The following ZFAT variants were observed in gnomAD, a reference collection of about 807,000 sequenced individuals.
ZFAT encodes the protein zinc finger protein ZFAT.
ZFAT carries 64 observed loss-of-function variants against 117.7 expected under a neutral mutation model. The observed-to-expected ratio is 0.54, with a 90% CI of 0.44 to 0.67. The LOEUF (loss-of-function observed/expected upper bound fraction) is 0.67, where lower values mean the gene tolerates loss of function less well. ZFAT is among the 30% of genes least tolerant of loss of function. The pLI is 0.00. For missense variants in ZFAT, 1,433 were observed against 1,584.5 expected (o/e 0.90, Z 1.62); for synonymous variants, 679 against 615.0 (o/e 1.10, Z -1.54).
chr8:134,710,170 C>T (rs1049133348), intron 1 of ZFAT, among the ~76,000 whole-genome samples: 17 of 152,122 alleles, frequency 1.1e-4, no homozygotes, highest in Admixed American at 1.0e-3. Context: ...TAAGCAACAA[C>T]GTGGGAGGAG....
chr8:134,509,879 TCA>T, intron 14 of ZFAT, 130 bp from the exon 15 acceptor site: 3 of 1,189,896 alleles, frequency 2.5e-6, no homozygotes, highest in Non-Finnish European at 3.5e-6. Flanking sequence ...CCGTAATCGC[TCA>T]GTTTGACAAC....
chr8:134,630,034 A>G (rs552281044), intron 3 of ZFAT, among the ~76,000 whole-genome samples: 1 of 152,306 alleles, frequency 6.6e-6, no homozygotes, highest in East Asian at 1.9e-4. Flanking sequence ...AAGCAAACAC[A>G]GGAATATAGA....
the ZFAT span, chr8:134,805,083 C>A: frequency 3.5e-6 from 1 of 283,534 alleles, no homozygotes; most frequent in East Asian, 1.1e-4. Context: ...AAAGTTAATG[C>A]TAATAATTAA....
intron 10 of ZFAT, among the ~76,000 whole-genome samples, chr8:134,569,530 T>G (rs1167783516): frequency 2.0e-5 from 3 of 152,132 alleles, no homozygotes; most frequent in Admixed American, 2.0e-4. Flanking sequence ...AAGAGCCAGT[T>G]GCAGGGGAAC....
intron 1 of ZFAT, among the ~76,000 whole-genome samples, chr8:134,712,389 T>C (rs1814035092): frequency 6.6e-6 from 1 of 152,286 alleles, no homozygotes; most frequent in African/African-American, 2.4e-5. Context: ...GTGGAAGATC[T>C]GTCACTCTAT....
chr8:134,812,764 G>A, the ZFAT span, among the ~76,000 whole-genome samples: 1 of 152,138 alleles, frequency 6.6e-6, no homozygotes, highest in African/African-American at 2.4e-5. Context: ...TCGTATTATA[G>A]ATATGCAGCA....
chr8:134,497,948 A>C (rs1450400879), intron 15 of ZFAT, among the ~76,000 whole-genome samples: 1 of 135,662 alleles, frequency 7.4e-6, no homozygotes, highest in Middle Eastern at 5.4e-3. Context: ...TTACACACAG[A>C]GCCTGATTTG....
intron 1 of ZFAT, among the ~76,000 whole-genome samples, chr8:134,658,592 C>T (rs1831766689): frequency 6.6e-6 from 1 of 152,122 alleles, no homozygotes; most frequent in African/African-American, 2.4e-5. Flanking sequence ...TCATTATGTT[C>T]ATCTCATTAT....
chr8:134,802,810 G>C, the ZFAT span, among the ~76,000 whole-genome samples: 11 of 152,266 alleles, frequency 7.2e-5, no homozygotes, highest in Admixed American at 6.5e-4. Flanking sequence ...AAGGGCTAGG[G>C]AAACAAGTTA....
chr8:134,674,211 T>C (rs1331895344), intron 1 of ZFAT, among the ~76,000 whole-genome samples: 1 of 152,212 alleles, frequency 6.6e-6, no homozygotes, highest in Admixed American at 6.5e-5. Flanking sequence ...TGAGAGGCTG[T>C]ACCGGGAGGA....
At chr8:134,770,738 C>A in the ZFAT span, among the ~76,000 whole-genome samples, 1 of 152,084 alleles carries the variant, frequency 6.6e-6, no homozygotes, top group African/African-American at 2.4e-5. Context: ...AGAAGTATCA[C>A]TGAATTCTTT....
chr8:134,591,095 C>G (rs1826469251), intron 7 of ZFAT, among the ~76,000 whole-genome samples: 1 of 152,212 alleles, frequency 6.6e-6, no homozygotes. Context: ...CACACCAGTG[C>G]TACTCTACAA....
intron 11 of ZFAT, among the ~76,000 whole-genome samples, chr8:134,551,194 G>C (rs1021980570): frequency 1.6e-4 from 24 of 152,222 alleles, no homozygotes; most frequent in Non-Finnish European, 2.6e-4. Context: ...CTAACGCGCA[G>C]AGAGTAGTTT....
chr8:134,827,543 G>A, the ZFAT span, among the ~76,000 whole-genome samples: 2 of 151,988 alleles, frequency 1.3e-5, no homozygotes, highest in Admixed American at 6.5e-5. Context: ...CCAGGAGGGC[G>A]GATCACCTGA....
chr8:134,571,134 T>C (rs1824865393), intron 10 of ZFAT, among the ~76,000 whole-genome samples: 1 of 152,184 alleles, frequency 6.6e-6, no homozygotes, highest in South Asian at 2.1e-4. Flanking sequence ...GCCCTGCCTC[T>C]GGCACTCATC....
At chr8:134,722,142 C>A in the ZFAT span, among the ~76,000 whole-genome samples, 1 of 152,128 alleles carries the variant, frequency 6.6e-6, no homozygotes, top group Non-Finnish European at 1.5e-5. Context: ...TACAGCACAC[C>A]ACTCACGGGA....
chr8:134,516,012 A>G (rs563744554), intron 13 of ZFAT, among the ~76,000 whole-genome samples: 19 of 152,366 alleles, frequency 1.2e-4, no homozygotes, highest in African/African-American at 2.9e-4. Context: ...AGGTTTGTTC[A>G]AATCAAATCT....
the ZFAT span, among the ~76,000 whole-genome samples, chr8:134,817,406 C>CT: frequency 1.1e-5 from 1 of 94,836 alleles, no homozygotes; most frequent in African/African-American, 4.0e-5. Flanking sequence ...CACACACACA[C>CT]ACACACACAC....
chr8:134,686,118 G>A (rs1482513725), intron 1 of ZFAT, among the ~76,000 whole-genome samples: 1 of 152,236 alleles, frequency 6.6e-6, no homozygotes, highest in African/African-American at 2.4e-5. Flanking sequence ...GCCAGCCCCA[G>A]CAGGTAACTC....
Sources: allele counts gnomAD v4.1 joint callset (sites outside exome capture counted in the v4.1 genomes callset), GRCh38; gene constraint gnomAD v4.1.1; transcripts MANE v1.5; gene names NCBI Gene and HGNC (gene_info 2026-07-23, HGNC 2026-07-21).